BRINP1: variants seen among roughly 807,000 people sequenced by gnomAD.
BRINP1 encodes BMP/retinoic acid-inducible neural-specific protein 1.
In BRINP1, 17 loss-of-function variants were observed where a neutral mutation model predicts 72.9. The observed-to-expected ratio is 0.23, with a 90% CI of 0.16 to 0.35. The LOEUF is 0.35. Among genes scored for constraint, BRINP1 ranks in the 10% least tolerant of loss-of-function variants. The probability of loss-of-function intolerance (pLI) is 1.00; values close to 1 mark genes in which losing one functional copy is unlikely to be tolerated. For synonymous variants in BRINP1, 418 were observed against 378.5 expected (o/e 1.10, Z -1.21); for missense variants, 850 against 1,001.6 (o/e 0.85, Z 2.04).
chr9:119,220,005 C>T (rs1051180115), intron 5 of BRINP1, among the ~76,000 whole-genome samples: 4 of 152,042 alleles, frequency 2.6e-5, no homozygotes, highest in African/African-American at 9.7e-5. Flanking sequence ...GACTAAGGTT[C>T]GTCTTCTTTT....
chr9:119,233,783 C>G (rs1251775316), intron 5 of BRINP1, among the ~76,000 whole-genome samples: 2 of 152,170 alleles, frequency 1.3e-5, no homozygotes, highest in Non-Finnish European at 2.9e-5. Context: ...TGTCTCTCAC[C>G]CCTTCAGCCA....
intron 4 of BRINP1, among the ~76,000 whole-genome samples, chr9:119,240,065 T>A (rs968296227): frequency 5.3e-5 from 8 of 152,002 alleles, no homozygotes; most frequent in African/African-American, 1.9e-4. Flanking sequence ...GGTCAAGAGA[T>A]TGAGACCATC....
At chr9:119,281,791 A>C (rs536323192) in intron 2 of BRINP1, among the ~76,000 whole-genome samples, 13 of 152,270 alleles carry the variant, frequency 8.5e-5, no homozygotes, top group African/African-American at 2.9e-4. Context: ...TCATTTCAAC[A>C]ATATATCATG....
chr9:119,308,879 T>A (rs1831027876), intron 2 of BRINP1, among the ~76,000 whole-genome samples: 1 of 152,076 alleles, frequency 6.6e-6, no homozygotes, highest in Non-Finnish European at 1.5e-5. Context: ...TTGCCCTGAC[T>A]CTTCAGATCC....
At chr9:119,306,312 A>C (rs1830997922) in intron 2 of BRINP1, among the ~76,000 whole-genome samples, 1 of 152,158 alleles carries the variant, frequency 6.6e-6, no homozygotes, top group East Asian at 1.9e-4. Flanking sequence ...AACACTAAAG[A>C]TTATCTTTGA....
At chr9:119,239,912 A>G (rs566290473) in intron 4 of BRINP1, among the ~76,000 whole-genome samples, 1 of 152,254 alleles carries the variant, frequency 6.6e-6, no homozygotes, top group East Asian at 1.9e-4. Context: ...ACTTTCCTAA[A>G]GATACCTCTG....
In BRINP1 at chr9:119,166,954, T is replaced by C. The variant is rs1564206654; in HGVS notation, c.*130A>G. On this transcript the variant is annotated 3_prime_UTR_variant, in exon 8 of 8. Transcript: ENST00000265922. The stretch of plus-strand genomic sequence containing the variant: ...CGTTTTCATTTCCAACAAATGAAGA[T>C]TTTCCTCCTTTTCTTTGAATATTAA... 2.9e-6 allele frequency: 3 copies of C among 1,019,614 alleles called. No individual in the cohort carries two copies. Among genetic ancestry groups the C allele is most frequent in the South Asian group, 3.3e-5 (2 of 59,970 alleles). The allele number at this position is 1,019,614 out of a possible 1,614,324, so 63.2% of individuals were successfully genotyped here.
intron 2 of BRINP1, among the ~76,000 whole-genome samples, chr9:119,307,386 T>C (rs1831009108): frequency 6.6e-6 from 1 of 152,132 alleles, no homozygotes; most frequent in Admixed American, 6.5e-5. Flanking sequence ...GGATCAAAAT[T>C]GTACCGAACT....
intron 2 of BRINP1, among the ~76,000 whole-genome samples, chr9:119,307,352 T>C (rs553097971): frequency 2.0e-5 from 3 of 152,314 alleles, no homozygotes; most frequent in African/African-American, 7.2e-5. Context: ...GTAATTCTAA[T>C]ATCCAGCCAC....
intron 2 of BRINP1, among the ~76,000 whole-genome samples, chr9:119,311,114 T>C (rs1831061742): frequency 6.6e-6 from 1 of 152,344 alleles, no homozygotes; most frequent in African/African-American, 2.4e-5. Context: ...TGTGTTTAAT[T>C]ACTGTCAGTC....
chr9:119,304,605 A>G (rs547889769), intron 2 of BRINP1, among the ~76,000 whole-genome samples: 20 of 152,348 alleles, frequency 1.3e-4, no homozygotes, highest in African/African-American at 4.8e-4. Context: ...CTTTTATTAG[A>G]CATACAAAGG....
intron 7 of BRINP1, among the ~76,000 whole-genome samples, chr9:119,192,446 G>A (rs550467419): frequency 6.6e-6 from 1 of 152,096 alleles, no homozygotes; most frequent in Non-Finnish European, 1.5e-5. Context: ...GACCTGAACA[G>A]ACATTTCTCC....
At chr9:119,260,704 G>A (rs1027232866) in intron 2 of BRINP1, among the ~76,000 whole-genome samples, 1 of 152,142 alleles carries the variant, frequency 6.6e-6, no homozygotes, top group African/African-American at 2.4e-5. Flanking sequence ...GCTGGAAGAA[G>A]CTGATAAAAA....
rs147974797 is a variant in BRINP1, at chr9:119,269,399, T to C, written c.219-20249A>G. ...GTGAAGTGTTTTTAGCCTGAATTTC[T>C]TCCACTTCATTTTTACTGTGTCTTA... On this transcript the variant is annotated intron_variant, in intron 2 of 7. Transcript: ENST00000265922. Among the ~76,000 whole-genome samples the C allele has an allele frequency of 4.2e-4, 64 of 152,314 alleles. No individual in the cohort carries two copies. In the East Asian group the frequency reaches 0.011, roughly 26 times the overall value.
intron 2 of BRINP1, among the ~76,000 whole-genome samples, chr9:119,251,530 C>T (rs1157456448): frequency 6.6e-6 from 1 of 152,132 alleles, no homozygotes; most frequent in Non-Finnish European, 1.5e-5. Context: ...ATCACTTGAA[C>T]TCAGGAGTTC....
intron 2 of BRINP1, among the ~76,000 whole-genome samples, chr9:119,271,539 TAC>T (rs1378285064): frequency 6.6e-6 from 1 of 152,132 alleles, no homozygotes; most frequent in Admixed American, 6.5e-5. Context: ...ATTTATATAA[TAC>T]ATTCATTTAC....
chr9:119,197,476 A>T (rs975653204), intron 7 of BRINP1, among the ~76,000 whole-genome samples: 1 of 152,216 alleles, frequency 6.6e-6, no homozygotes, highest in Non-Finnish European at 1.5e-5. Context: ...TCAATGTATG[A>T]CAGGTATTAT....
chr9:119,334,739 G>A (rs2119015476), intron 1 of BRINP1, among the ~76,000 whole-genome samples: 1 of 146,996 alleles, frequency 6.8e-6, no homozygotes, highest in African/African-American at 2.5e-5. Flanking sequence ...CTATAATTCT[G>A]TACTGGTGAA....
chr9:119,363,458 G>A (rs1831656256), intron 1 of BRINP1, among the ~76,000 whole-genome samples: 1 of 152,096 alleles, frequency 6.6e-6, no homozygotes, highest in African/African-American at 2.4e-5. Context: ...AAATTACATG[G>A]CTGATTCCTT....
Sources: gnomAD v4.1 joint callset for allele counts (sites outside exome capture counted in the v4.1 genomes callset) on GRCh38, gnomAD v4.1.1 for gene constraint, MANE v1.5 for transcripts, NCBI Gene and HGNC (gene_info 2026-07-23, HGNC 2026-07-21) for gene names.